The following ABCG1 variants were observed in gnomAD, a reference collection of about 807,000 sequenced individuals.
The protein encoded by ABCG1 is ATP binding cassette subfamily G member 1, also known as ATP-binding cassette sub-family G member 1.
In ABCG1, 29 loss-of-function variants were observed where a neutral mutation model predicts 69.2. That is an observed-to-expected ratio of 0.42 (90% CI 0.31 to 0.57). ABCG1 has a LOEUF of 0.57. ABCG1 is among the 20% of genes least tolerant of loss of function. The pLI, the probability that ABCG1 is intolerant of heterozygous loss-of-function variation, is 0.15. For missense variants in ABCG1, 718 were observed against 898.1 expected (o/e 0.80, Z 2.56); for synonymous variants, 370 against 374.8 (o/e 0.99, Z 0.15).
chr21:42,244,012 G>A (rs2068095989), intron 2 of ABCG1, among the ~76,000 whole-genome samples: 1 of 151,776 alleles, frequency 6.6e-6, no homozygotes, highest in Non-Finnish European at 1.5e-5. Flanking sequence ...GTAAAGACGG[G>A]GTTTCACCAT....
chr21:42,276,674 C>T lies in ABCG1; in HGVS notation c.538-221C>T, dbSNP rs2068715831. On this transcript the variant is annotated intron_variant, in intron 4 of 14. Transcript: ENST00000398449. This position sits in a 1 kb window ranked among gnomAD's most constrained non-coding sequence, Gnocchi z 5.3. ...TGGCTAGTGGCCTTATGCCTAGCTG[C>T]ACTGTGGATAGCTGCACCGTGACTA... 1.8e-6 allele frequency: 1 copy of T among 544,614 alleles called. No individual in the cohort carries two copies. Among genetic ancestry groups the T allele is most frequent in the Non-Finnish European group, 3.3e-6 (1 of 304,998 alleles). The allele number at this position is 544,614 out of a possible 1,614,324, so 33.7% of individuals were successfully genotyped here.
intron 1 of ABCG1, among the ~76,000 whole-genome samples, chr21:42,223,142 G>C (rs529053496): frequency 6.6e-6 from 1 of 152,024 alleles, no homozygotes; most frequent in East Asian, 1.9e-4. Flanking sequence ...CTCCTGCCCC[G>C]ACCCTACCAG....
intron 1 of ABCG1, among the ~76,000 whole-genome samples, chr21:42,200,009 G>A (rs2067493857): frequency 6.6e-6 from 1 of 152,252 alleles, no homozygotes; most frequent in African/African-American, 2.4e-5. Context: ...TAAAGTATCT[G>A]TGACCTATAC....
chr21:42,292,299 CA>C (rs1456800285), intron 13 of ABCG1, among the ~76,000 whole-genome samples: 7 of 152,086 alleles, frequency 4.6e-5, no homozygotes, highest in African/African-American at 1.7e-4. Context: ...CCACCATAAG[CA>C]AGCTCCCTGG....
intron 10 of ABCG1, among the ~76,000 whole-genome samples, chr21:42,289,289 A>T (rs2146338820): frequency 6.6e-6 from 1 of 152,246 alleles, no homozygotes; most frequent in Non-Finnish European, 1.5e-5. Context: ...GACAGCTCCT[A>T]TCTGGACATG....
rs370673215 is a variant in ABCG1, at chr21:42,276,984, G to A, written c.588+39G>A. On this transcript the variant is annotated intron_variant, in intron 5 of 14. Transcript: ENST00000398449. This position sits in a 1 kb window ranked among gnomAD's most constrained non-coding sequence, Gnocchi z 5.3. The stretch of plus-strand genomic sequence containing the variant: ...TTGGTGCCCACAAGTGGTCCAGAAA[G>A]TGCATGACGTGCATGTGGAAGGTGT... 1.2e-6 allele frequency: 2 copies of A among 1,600,638 alleles called. No homozygotes were observed. Among genetic ancestry groups the A allele is most frequent in the African/African-American group, 1.3e-5 (1 of 74,754 alleles).
intron 2 of ABCG1, chr21:42,260,123 C>G: frequency 6.4e-7 from 1 of 1,550,418 alleles, no homozygotes; most frequent in Non-Finnish European, 8.7e-7. Context: ...GGTTTCCTGG[C>G]GATCCCATGG....
chr21:42,291,712 C>T lies in ABCG1; in HGVS notation c.1653+56C>T. ...ATGACGGCTGGGCTTCCCTGAGCTA[C>T]CTTGGCCTGAGCTAGGGGGCTCTGC... On this transcript the variant is annotated intron_variant, in intron 13 of 14. Transcript: ENST00000398449. The surrounding 1 kb of genome is among the most constrained non-coding windows in gnomAD (Gnocchi z 6.4). The T allele has an allele frequency of 2.6e-6, 4 of 1,520,940 alleles. No individual in the cohort carries two copies. Among genetic ancestry groups the T allele is most frequent in the Non-Finnish European group, 3.5e-6 (4 of 1,136,852 alleles). 94.2% of individuals were successfully genotyped at this position (1,520,940 alleles called of 1,614,324 possible). A position where few individuals can be genotyped will look rare whatever the true frequency, so the allele number is the denominator to read the frequency against.
In ABCG1 at chr21:42,227,783, A is replaced by G. The variant is rs368210976; in HGVS notation, c.286+1869A>G. On this transcript the variant is annotated intron_variant, in intron 2 of 14. Transcript: ENST00000398449. ...GGGAGGGCTCAGGAAACTTACAATC[A>G]TGGCAGAAGGTGAAGGGGAAGCAAG... 1.1e-4 allele frequency among the ~76,000 whole-genome samples: 16 copies of G among 152,288 alleles called. No homozygotes were observed. In the South Asian group the frequency reaches 3.3e-3, roughly 32 times the overall value.
At position 42,273,171 on chromosome 21, in the gene ABCG1, C is replaced by A; in HGVS notation, c.405-132C>A. ...CCGGTCCCTTTCTGCCCCTCGGGGT[C>A]CCCGTGGCCAGTGGTTCAGCTGGGA... is the stretch of plus-strand genomic sequence containing the variant. On this transcript the variant is annotated intron_variant, in intron 3 of 14. Transcript: ENST00000398449. This position sits in a 1 kb window ranked among gnomAD's most constrained non-coding sequence, Gnocchi z 5.3. 1 of 1,271,850 alleles carries A rather than the reference C, an allele frequency of 7.9e-7. No individual in the cohort carries two copies. Among genetic ancestry groups the A allele is most frequent in the Non-Finnish European group, 1.1e-6 (1 of 926,802 alleles). The allele number at this position is 1,271,850 out of a possible 1,614,324, so 78.8% of individuals were successfully genotyped here.
chr21:42,219,328 GC>G lies in ABCG1; in HGVS notation c.42+26del. 1 of 1,595,070 alleles carries G rather than the reference GC, an allele frequency of 6.3e-7. No individual in the cohort carries two copies. ...TGGTGAGTGAGCGCATCCTTCGTCC[GC>G]CGGGAACGGTTTTATTTTCAAGGAG... On this transcript the variant is annotated intron_variant, in intron 1 of 14. Transcript: ENST00000398449. This position sits in a 1 kb window ranked among gnomAD's most constrained non-coding sequence, Gnocchi z 5.3.
chr21:42,234,128 CATGGGACACACATCAGT>C (rs1425674169), intron 2 of ABCG1, among the ~76,000 whole-genome samples: 14 of 152,138 alleles, frequency 9.2e-5, no homozygotes, highest in Admixed American at 9.2e-4. Flanking sequence ...TGGGGAGCAG[CATGGGACACACATCAGT>C]ATGGGCATCT....
At chr21:42,201,707 G>C (rs1410756103) in exon 2 of ABCG1, 1 of 1,614,042 alleles carries the variant, frequency 6.2e-7, no homozygotes, top group Non-Finnish European at 8.5e-7. Context: ...ACAAAACAGA[G>C]AAAGCCCTGC....
At chr21:42,240,912 G>A (rs756193340) in intron 2 of ABCG1, among the ~76,000 whole-genome samples, 1 of 152,248 alleles carries the variant, frequency 6.6e-6, no homozygotes, top group Non-Finnish European at 1.5e-5. Context: ...CACGGGCCAC[G>A]CTTGCTCACA....
At chr21:42,260,180 C>T (rs745396241) in intron 2 of ABCG1, 34 of 1,550,044 alleles carry the variant, frequency 2.2e-5, no homozygotes, top group Admixed American at 3.9e-5. Flanking sequence ...AAGCTGGTCA[C>T]GTGGCCCTAA....
Position 42,291,325 on chromosome 21 carries a change from G to A in ABCG1, c.1494+133G>A, listed in dbSNP as rs1190707585. 2 of 1,169,816 alleles carry A rather than the reference G, an allele frequency of 1.7e-6. No individual in the cohort carries two copies. The highest frequency in any genetic ancestry group is 3.0e-5 in the African/African-American group (2 of 65,648). The allele number at this position is 1,169,816 out of a possible 1,614,324, so 72.5% of individuals were successfully genotyped here. A position where few individuals can be genotyped will look rare whatever the true frequency, so the allele number is the denominator to read the frequency against. On this transcript the variant is annotated intron_variant, in intron 12 of 14. Transcript: ENST00000398449. This position sits in a 1 kb window ranked among gnomAD's most constrained non-coding sequence, Gnocchi z 6.4. ...TTCGGGAGCTCTGGTGGGAGCTGCG[G>A]GGAAGGGCCTGACTTCGGGAGCTGT...
intron 2 of ABCG1, 130 bp downstream of exon 2, chr21:42,226,044 G>A: frequency 1.8e-6 from 2 of 1,085,910 alleles, no homozygotes; most frequent in East Asian, 4.8e-5. Flanking sequence ...TCACTGCTGT[G>A]GTCAATTTAT....
chr21:42,277,710 G>C (rs774904757), intron 5 of ABCG1, among the ~76,000 whole-genome samples: 2 of 152,204 alleles, frequency 1.3e-5, no homozygotes, highest in Non-Finnish European at 2.9e-5. Context: ...ACCCTTAAAG[G>C]CTCACAGTCT....
chr21:42,211,515 A>G (rs191108868), upstream of ABCG1, among the ~76,000 whole-genome samples: 715 of 151,788 alleles, frequency 4.7e-3, 5 homozygotes, highest in South Asian at 9.2e-3. Flanking sequence ...TCTCCCTGCT[A>G]TGATCCAAAT....
Sources: allele counts gnomAD v4.1 joint callset (sites outside exome capture counted in the v4.1 genomes callset), GRCh38; gene constraint gnomAD v4.1.1; non-coding constraint Gnocchi (gnomAD v3.1); transcripts MANE v1.5; gene names NCBI Gene and HGNC (gene_info 2026-07-23, HGNC 2026-07-21).